SLC8A1: variants seen among roughly 807,000 people sequenced by gnomAD.
SLC8A1 encodes the protein solute carrier family 8 member A1.
SLC8A1 carries 18 observed loss-of-function variants against 68.3 expected under a neutral mutation model. The ratio of observed to expected loss-of-function variants is 0.26; its 90% CI spans 0.18 to 0.39. The LOEUF (loss-of-function observed/expected upper bound fraction) is 0.39, where lower values mean the gene tolerates loss of function less well. SLC8A1 is among the 10% of genes least tolerant of loss of function. The probability of loss-of-function intolerance (pLI) is 1.00; values close to 1 mark genes in which losing one functional copy is unlikely to be tolerated. For synonymous variants in SLC8A1, 475 were observed against 415.5 expected (o/e 1.14, Z -1.74); for missense variants, 985 against 1,156.7 (o/e 0.85, Z 2.15).
At chr2:40,248,097 A>T (rs1242685152) in intron 2 of SLC8A1, among the ~76,000 whole-genome samples, 1 of 152,190 alleles carries the variant, frequency 6.6e-6, no homozygotes, top group Admixed American at 6.5e-5. Context: ...GATTTTTTAA[A>T]AACTGCACTC....
At chr2:40,373,899 T>C (rs1042258549) in intron 2 of SLC8A1, among the ~76,000 whole-genome samples, 2 of 152,152 alleles carry the variant, frequency 1.3e-5, no homozygotes, top group Non-Finnish European at 2.9e-5. Context: ...CTCTTTCAGA[T>C]ATCTTCCAAA....
chr2:40,288,834 C>CATATATATATATATATATAT lies in SLC8A1; in HGVS notation c.1809-110980_1809-110979insATATATATATATATATATAT, dbSNP rs145077257. Among the ~76,000 whole-genome samples the CATATATATATATATATATAT allele has an allele frequency of 1.5e-3, 198 of 132,602 alleles. 5 individuals carry two copies. The highest frequency in any genetic ancestry group is 5.4e-3 in the African/African-American group (157 of 29,340). The allele number at this position is 132,602 out of a possible 152,430, so 87.0% of individuals were successfully genotyped here. A position where few individuals can be genotyped will look rare whatever the true frequency, so the allele number is the denominator to read the frequency against. ...TTCGAAAATGTCTCTACTAAGTAAT[C>CATATATATATATATATATAT]ATATATATATATATATATGTATATA... On this transcript the variant is annotated intron_variant, in intron 2 of 7. Transcript: ENST00000406785.
intron 2 of SLC8A1, among the ~76,000 whole-genome samples, chr2:40,229,422 C>T (rs1445986040): frequency 3.3e-5 from 5 of 152,162 alleles, no homozygotes; most frequent in South Asian, 4.2e-4. Context: ...TAAAAAAAAT[C>T]TGTTGTTAGA....
At chr2:40,141,325 CATCT>C (rs539684050) in intron 6 of SLC8A1, among the ~76,000 whole-genome samples, 55 of 152,296 alleles carry the variant, frequency 3.6e-4, no homozygotes, top group Non-Finnish European at 7.6e-4. Flanking sequence ...TCTCAGAAAA[CATCT>C]AAAGAGGAAT....
intron 2 of SLC8A1, among the ~76,000 whole-genome samples, chr2:40,410,890 T>C (rs1385590187): frequency 1.3e-5 from 2 of 152,094 alleles, no homozygotes; most frequent in African/African-American, 4.8e-5. Flanking sequence ...TTCAGGAGTA[T>C]ATAACTAAAT....
intron 2 of SLC8A1, among the ~76,000 whole-genome samples, chr2:40,334,017 AG>A (rs1484778649): frequency 6.6e-6 from 1 of 152,182 alleles, no homozygotes; most frequent in Non-Finnish European, 1.5e-5. Flanking sequence ...CATTGCATTC[AG>A]CCTGGGCAAC....
intron 2 of SLC8A1, among the ~76,000 whole-genome samples, chr2:40,398,578 ATATTT>A (rs142699511): frequency 0.026 from 3,968 of 152,308 alleles, 79 homozygotes; most frequent in Non-Finnish European, 0.038. Flanking sequence ...TCCTACGTAC[ATATTT>A]TATTTTTATA....
chr2:40,245,332 A>C (rs138761372), intron 2 of SLC8A1, among the ~76,000 whole-genome samples: 1 of 152,332 alleles, frequency 6.6e-6, no homozygotes, highest in Admixed American at 6.5e-5. Flanking sequence ...TATACTACGT[A>C]GTCACACTGA....
At chr2:40,331,882 C>T (rs1050616052) in intron 2 of SLC8A1, among the ~76,000 whole-genome samples, 28 of 152,090 alleles carry the variant, frequency 1.8e-4, no homozygotes, top group African/African-American at 5.1e-4. Flanking sequence ...CGTGAGCCAC[C>T]GTGACCGGCC....
chr2:40,266,128 G>C (rs1266770961), intron 2 of SLC8A1, among the ~76,000 whole-genome samples: 1 of 152,150 alleles, frequency 6.6e-6, no homozygotes, highest in Non-Finnish European at 1.5e-5. Flanking sequence ...GGTGCACATA[G>C]CTTACTTCAA....
intron 2 of SLC8A1, among the ~76,000 whole-genome samples, chr2:40,410,517 TGA>T (rs1323645580): frequency 6.6e-6 from 1 of 152,056 alleles, no homozygotes; most frequent in Non-Finnish European, 1.5e-5. Flanking sequence ...AACAAAATTG[TGA>T]GATTTTCCTA....
At chr2:40,221,830 C>A (rs532130667) in intron 2 of SLC8A1, among the ~76,000 whole-genome samples, 7 of 152,214 alleles carry the variant, frequency 4.6e-5, no homozygotes, top group African/African-American at 1.7e-4. Context: ...ATGTGAAGGA[C>A]CTCTTCAAGG....
chr2:40,262,616 G>C (rs776164657), intron 2 of SLC8A1, among the ~76,000 whole-genome samples: 6 of 152,160 alleles, frequency 3.9e-5, no homozygotes, highest in Non-Finnish European at 7.4e-5. Flanking sequence ...ATAAGGGTAT[G>C]CATTTATTCA....
At chr2:40,254,553 T>C (rs2063568526) in intron 2 of SLC8A1, 2 of 151,968 alleles carry the variant, frequency 1.3e-5, no homozygotes, top group South Asian at 2.1e-4. Flanking sequence ...TCTTGAACTC[T>C]TGAAAATATC....
chr2:40,505,385 T>C (rs761451508), intron 1 of SLC8A1, among the ~76,000 whole-genome samples: 2 of 151,904 alleles, frequency 1.3e-5, no homozygotes, highest in Non-Finnish European at 2.9e-5. Flanking sequence ...CTTGAGGCGA[T>C]GGATATCCCA....
At chr2:40,308,409 G>A (rs918740497) in intron 2 of SLC8A1, among the ~76,000 whole-genome samples, 6 of 152,150 alleles carry the variant, frequency 3.9e-5, no homozygotes, top group African/African-American at 1.4e-4. Context: ...GGACAGCAAA[G>A]GTGGAGTAGA....
chr2:40,416,956 T>C (rs1694058639), intron 2 of SLC8A1, among the ~76,000 whole-genome samples: 1 of 152,098 alleles, frequency 6.6e-6, no homozygotes, highest in African/African-American at 2.4e-5. Context: ...TGGAAAAGGG[T>C]AGATAAAAAA....
chr2:40,230,145 C>T (rs1439553342), intron 2 of SLC8A1, among the ~76,000 whole-genome samples: 2 of 152,166 alleles, frequency 1.3e-5, no homozygotes, highest in African/African-American at 2.4e-5. Flanking sequence ...CGCTGAAAGA[C>T]AAGCCATCCT....
intron 1 of SLC8A1, among the ~76,000 whole-genome samples, chr2:40,511,855 T>C (rs963074773): frequency 2.0e-5 from 3 of 152,092 alleles, no homozygotes; most frequent in Non-Finnish European, 2.9e-5. Context: ...ATTGCAAAAA[T>C]GACTTCAGCT....
Sources: allele counts gnomAD v4.1 joint callset (sites outside exome capture counted in the v4.1 genomes callset), GRCh38; gene constraint gnomAD v4.1.1; transcripts MANE v1.5; gene names NCBI Gene and HGNC (gene_info 2026-07-23, HGNC 2026-07-21).